Variants in RRAGC observed in about 807,000 individuals in gnomAD.
RRAGC encodes the protein Ras related GTP binding C.
A neutral mutation model predicts 37.1 loss-of-function variants in RRAGC; 8 were observed. That is an observed-to-expected ratio of 0.22 (90% CI 0.13 to 0.39). The LOEUF is 0.39. Among genes scored for constraint, RRAGC ranks in the 10% least tolerant of loss-of-function variants. The pLI, the probability that RRAGC is intolerant of heterozygous loss-of-function variation, is 1.00. For synonymous variants in RRAGC, 190 were observed against 181.1 expected (o/e 1.05, Z -0.39); for missense variants, 342 against 497.6 (o/e 0.69, Z 2.98).
chr1:38,850,430 C>T (rs982795862), intron 5 of RRAGC, among the ~76,000 whole-genome samples: 1 of 151,776 alleles, frequency 6.6e-6, no homozygotes, highest in Non-Finnish European at 1.5e-5. Flanking sequence ...AGGAAAGTGG[C>T]GTGAACCTGG....
In RRAGC at chr1:38,855,904, C is replaced by A; in HGVS notation, c.445G>T (p.Asp149Tyr). The A allele has an allele frequency of 1.2e-6, 2 of 1,609,710 alleles. No homozygotes were observed. The highest frequency in any genetic ancestry group is 1.1e-5 in the South Asian group (1 of 90,750). ...ALIYVIDAQD[D>Y]YMEALTRLHI... ...AGTCTTGTTAAAGCCTCCATGTAGT[C>A]ATCCTGTAAGTCAGAACAAAATATT... Residue 149 changes from aspartate (D) to tyrosine (Y), a missense_variant, in exon 3 of 7, where the codon GAC (aspartate) becomes TAC (tyrosine). Asp to Tyr is a radical substitution (Grantham distance 160). Transcript: ENST00000373001.
intron 5 of RRAGC, among the ~76,000 whole-genome samples, chr1:38,848,274 G>A (rs887920038): frequency 1.3e-5 from 2 of 152,118 alleles, no homozygotes; most frequent in Admixed American, 6.5e-5. Flanking sequence ...AGTGCTACAT[G>A]TTCTCAGCTT....
At position 38,859,713 on chromosome 1, in the gene RRAGC, C is replaced by A. The variant is rs946180304; in HGVS notation, c.-67G>T. 58 of 1,247,146 alleles carry A rather than the reference C, an allele frequency of 4.7e-5. No homozygotes were observed. The highest frequency in any genetic ancestry group is 5.9e-5 in the Non-Finnish European group (58 of 988,364). 77.3% of individuals were successfully genotyped at this position (1,247,146 alleles called of 1,614,324 possible). A position where few individuals can be genotyped will look rare whatever the true frequency, so the allele number is the denominator to read the frequency against. ...CAGGCCGAGCCAGGCCGCCGCCTCCCCAGTCCGCCTCCGCCGCCGCCGCCA... is the reference window on the plus strand; with the variant it reads ...CAGGCCGAGCCAGGCCGCCGCCTCCACAGTCCGCCTCCGCCGCCGCCGCCA... On this transcript the variant is annotated 5_prime_UTR_variant, in exon 1 of 7. Coordinates refer to ENST00000373001, the MANE Select transcript of RRAGC (RefSeq NM_022157.4).
At chr1:38,844,197 CGA>C (rs1365672442) in intron 6 of RRAGC, among the ~76,000 whole-genome samples, 1 of 151,924 alleles carries the variant, frequency 6.6e-6, no homozygotes, top group Non-Finnish European at 1.5e-5. Flanking sequence ...ATGACAGCCA[CGA>C]GAGTCACAAA....
At chr1:38,849,959 C>A (rs187034578) in intron 5 of RRAGC, among the ~76,000 whole-genome samples, 1 of 151,962 alleles carries the variant, frequency 6.6e-6, no homozygotes, top group African/African-American at 2.4e-5. Context: ...GTAATCCCAG[C>A]GCTTTGGGAG....
At chr1:38,842,249 G>A (rs551925562) in intron 6 of RRAGC, among the ~76,000 whole-genome samples, 127 of 152,292 alleles carry the variant, frequency 8.3e-4, no homozygotes, top group African/African-American at 3.0e-3. Context: ...TCCAGCCTGG[G>A]TGACAGAGCG....
chr1:38,841,409 C>T (rs1641961178), intron 6 of RRAGC, among the ~76,000 whole-genome samples: 1 of 151,714 alleles, frequency 6.6e-6, no homozygotes, highest in Non-Finnish European at 1.5e-5. Flanking sequence ...CTCTGACACC[C>T]AGGCTAGAGT....
intron 4 of RRAGC, among the ~76,000 whole-genome samples, 193 bp from the exon 5 acceptor site, chr1:38,851,950 C>G (rs918676261): frequency 6.6e-6 from 1 of 152,230 alleles, no homozygotes; most frequent in Non-Finnish European, 1.5e-5. Flanking sequence ...TTTCTCTACT[C>G]TGATTTACTG....
At chr1:38,853,474 G>A (rs560432112) in intron 3 of RRAGC, among the ~76,000 whole-genome samples, 3 of 152,248 alleles carry the variant, frequency 2.0e-5, no homozygotes, top group South Asian at 2.1e-4. Context: ...AGCTGGGCGC[G>A]ATGGCTCACG....
chr1:38,846,177 C>A, intron 5 of RRAGC, 90 bp from the exon 6 acceptor site: 1 of 1,015,394 alleles, frequency 9.8e-7, no homozygotes, highest in South Asian at 1.5e-5. Context: ...CCCAGTTTCC[C>A]AAATGTCTCT....
intron 3 of RRAGC, among the ~76,000 whole-genome samples, chr1:38,854,998 T>C (rs1216887345): frequency 1.3e-5 from 2 of 152,218 alleles, no homozygotes; most frequent in African/African-American, 2.4e-5. Context: ...TCATACACTT[T>C]TAGAATGCAA....
chr1:38,842,258 C>T (rs747983772), intron 6 of RRAGC, among the ~76,000 whole-genome samples: 2 of 151,842 alleles, frequency 1.3e-5, no homozygotes, highest in African/African-American at 2.4e-5. Flanking sequence ...GGTGACAGAG[C>T]GAGACTCTAT....
intron 5 of RRAGC, among the ~76,000 whole-genome samples, chr1:38,850,707 G>C (rs1049931365): frequency 6.6e-6 from 1 of 152,148 alleles, no homozygotes; most frequent in Non-Finnish European, 1.5e-5. Flanking sequence ...AGATGGAGCA[G>C]AGAGAAGACA....
intron 6 of RRAGC, among the ~76,000 whole-genome samples, chr1:38,839,947 C>T (rs1034937290): frequency 4.6e-5 from 7 of 151,902 alleles, no homozygotes; most frequent in African/African-American, 1.7e-4. Context: ...GAGATCAAGA[C>T]CATCCTGGCT....
chr1:38,852,307 A>C, intron 4 of RRAGC, 67 bp downstream of exon 4: 1 of 920,582 alleles, frequency 1.1e-6, no homozygotes, highest in Non-Finnish European at 1.8e-6. Context: ...AAAATTTGAA[A>C]ACACAAATAT....
Position 38,859,600 on chromosome 1 carries a change from T to C in RRAGC, c.47A>G (p.Tyr16Cys). ...GAEETPLAGS[Y>C]GAADSFPKDF... ...CTTTGGAAACGAATCGGCCGCGCCG[T>C]AACTGCCGGCGAGGGGCGTCTCCTC... Residue 16 changes from tyrosine (Y) to cysteine (C), a missense_variant, in exon 1 of 7, where the codon TAC (tyrosine) becomes TGC (cysteine). Physicochemically the swap from Tyr to Cys is radical, Grantham distance 194. This residue lies in a region of RRAGC where 104 missense variants were observed against 93.4 expected (regional missense o/e 1.11). Coordinates refer to ENST00000373001, the MANE Select transcript of RRAGC (RefSeq NM_022157.4). 3 of 1,565,756 alleles carry C rather than the reference T, an allele frequency of 1.9e-6. No homozygotes were observed. The highest frequency in any genetic ancestry group is 2.6e-6 in the Non-Finnish European group (3 of 1,157,126).
At chr1:38,850,352 A>C (rs934341422) in intron 5 of RRAGC, among the ~76,000 whole-genome samples, 1 of 151,922 alleles carries the variant, frequency 6.6e-6, no homozygotes, top group Admixed American at 6.6e-5. Flanking sequence ...GTCTCTACTA[A>C]AAATACAAAA....
intron 3 of RRAGC, among the ~76,000 whole-genome samples, chr1:38,853,550 A>T (rs1232606097): frequency 1.3e-5 from 2 of 152,200 alleles, no homozygotes; most frequent in African/African-American, 4.8e-5. Flanking sequence ...GTTCGAGATC[A>T]GCCGGACCAA....
intron 5 of RRAGC, among the ~76,000 whole-genome samples, chr1:38,849,572 C>G (rs1357934526): frequency 6.6e-6 from 1 of 151,994 alleles, no homozygotes; most frequent in African/African-American, 2.4e-5. Flanking sequence ...CCTGTAATCC[C>G]AGCTACTCGG....
Sources: gnomAD v4.1 joint callset for allele counts (sites outside exome capture counted in the v4.1 genomes callset) on GRCh38, gnomAD v4.1.1 for gene constraint, gnomAD v4.1.1 regional missense constraint, MANE v1.5 for transcripts, NCBI Gene and HGNC (gene_info 2026-07-23, HGNC 2026-07-21) for gene names.